The following PDK3 variants were observed in gnomAD, a reference collection of about 807,000 sequenced individuals.
PDK3 encodes the protein pyruvate dehydrogenase kinase 3, also known as pyruvate dehydrogenase kinase, isozyme 3.
A neutral mutation model predicts 32.0 loss-of-function variants in PDK3; 12 were observed. That is an observed-to-expected ratio of 0.37 (90% CI 0.24 to 0.61). The LOEUF is 0.61. Ranked by LOEUF, PDK3 falls within the 20% of genes least tolerant of loss-of-function variation. The pLI is 0.65. For missense variants in PDK3, 188 were observed against 316.9 expected, an observed-to-expected ratio of 0.59 and a Z score of 3.09; for synonymous variants, 122 against 116.3, an observed-to-expected ratio of 1.05 and a Z score of -0.31.
At chrX:24,475,370 A>T (rs1602100912) in intron 1 of PDK3, among the ~76,000 whole-genome samples, 1 of 111,259 alleles carries the variant, frequency 9.0e-6, no homozygotes, top group Non-Finnish European at 1.9e-5. Flanking sequence ...TTAAAGAAAG[A>T]ATTGGTCCAG....
chrX:24,495,473 TC>T (rs1921676381), intron 2 of PDK3, among the ~76,000 whole-genome samples: 1 of 112,762 alleles, frequency 8.9e-6, no homozygotes, highest in South Asian at 3.6e-4. Context: ...ACATTGAGTT[TC>T]CATGCCCCTT....
chrX:24,533,947 T>C lies in PDK3; in HGVS notation c.1096T>C (p.Phe366Leu). 8.3e-7 allele frequency: 1 copy of C among 1,203,346 alleles called. No homozygotes were observed. Among genetic ancestry groups the C allele is most frequent in the Non-Finnish European group, 1.1e-6 (1 of 889,591 alleles). The change falls in exon 11 of 11, where the codon TTT becomes CTT. Residue 366 changes from phenylalanine to leucine, a missense_variant. Coordinates refer to ENST00000379162, the MANE Select transcript of PDK3 (RefSeq NM_005391.5). ...CCAATAGGCTCTTTCAAGTGAGTCA[T>C]TTGAGAGACTTCCAGTTTTTAATAA... Reference protein sequence around the residue: ...IYLKALSSESFERLPVFNKSA... With the variant: ...IYLKALSSESLERLPVFNKSA...
intron 3 of PDK3, among the ~76,000 whole-genome samples, chrX:24,501,575 G>A (rs766405590): frequency 5.2e-4 from 58 of 112,337 alleles, no homozygotes; most frequent in African/African-American, 1.8e-3. Flanking sequence ...TTAGCCAGGC[G>A]TGGTGGTGGG....
chrX:24,546,128 C>T (rs1293936326), exon 12 of PDK3: 1 of 111,922 alleles, frequency 8.9e-6, no homozygotes, highest in African/African-American at 3.2e-5. Context: ...GAGGTCCCCA[C>T]ACTGTGGCTT....
At chrX:24,486,212 A>G (rs904337524) in intron 1 of PDK3, among the ~76,000 whole-genome samples, 2 of 111,182 alleles carry the variant, frequency 1.8e-5, no homozygotes, top group Non-Finnish European at 3.8e-5. Flanking sequence ...ATAAAAGGCC[A>G]TGCGGCTGCT....
chrX:24,529,969 C>T (rs1454154079), intron 9 of PDK3, among the ~76,000 whole-genome samples: 3 of 111,663 alleles, frequency 2.7e-5, no homozygotes, highest in African/African-American at 9.8e-5. Flanking sequence ...GAAACCTTTC[C>T]TGAACCTCAG....
chrX:24,498,993 G>C, intron 3 of PDK3, 93 bp downstream of exon 3: 1 of 487,833 alleles, frequency 2.0e-6, no homozygotes, highest in Non-Finnish European at 3.2e-6. Flanking sequence ...CAAGGAGTAT[G>C]AATGTGGACA....
intron 7 of PDK3, among the ~76,000 whole-genome samples, chrX:24,527,318 G>A (rs987178010): frequency 1.7e-4 from 18 of 107,454 alleles, no homozygotes; most frequent in Non-Finnish European, 3.3e-4. Flanking sequence ...AGAGGAAGAA[G>A]AAGAAGGAAA....
chrX:24,523,577 G>T (rs969999987), intron 6 of PDK3, among the ~76,000 whole-genome samples: 5 of 112,439 alleles, frequency 4.4e-5, no homozygotes, highest in African/African-American at 1.6e-4. Context: ...CTGAAAGCTG[G>T]TCTAAGAAAG....
chrX:24,537,391 C>A (rs1252621832), downstream of PDK3, among the ~76,000 whole-genome samples: 2 of 106,600 alleles, frequency 1.9e-5, no homozygotes, highest in Non-Finnish European at 3.9e-5. Flanking sequence ...CCTTGGCCTC[C>A]CAAAGTGCTG....
intron 1 of PDK3, among the ~76,000 whole-genome samples, chrX:24,490,314 T>G (rs760440166): frequency 9.0e-6 from 1 of 111,366 alleles, no homozygotes; most frequent in Non-Finnish European, 1.9e-5. Flanking sequence ...ACCAAATCTC[T>G]GTGAAGTAGA....
intron 6 of PDK3, among the ~76,000 whole-genome samples, chrX:24,520,778 T>C (rs927835968): frequency 3.7e-4 from 42 of 112,304 alleles, no homozygotes; most frequent in Non-Finnish European, 5.8e-4. Flanking sequence ...TTAGAGATTA[T>C]CCATAGTGTA....
At chrX:24,478,830 A>G (rs1409821385) in intron 1 of PDK3, among the ~76,000 whole-genome samples, 3 of 112,191 alleles carry the variant, frequency 2.7e-5, no homozygotes, top group Non-Finnish European at 3.8e-5. Context: ...GACTTGATCT[A>G]TGATTCTCCT....
At chrX:24,473,377 CAAAA>C (rs990670964) in intron 1 of PDK3, among the ~76,000 whole-genome samples, 1 of 109,170 alleles carries the variant, frequency 9.2e-6, no homozygotes, top group Non-Finnish European at 1.9e-5. Flanking sequence ...TCTCAAAAAA[CAAAA>C]CAAACAAACA....
At chrX:24,510,396 T>C (rs1484034868) in intron 5 of PDK3, among the ~76,000 whole-genome samples, 1 of 112,541 alleles carries the variant, frequency 8.9e-6, no homozygotes, top group Non-Finnish European at 1.9e-5. Flanking sequence ...TTAAGAAGAC[T>C]AATGCCATTT....
chrX:24,529,224 AT>A (rs1254569218), intron 9 of PDK3, among the ~76,000 whole-genome samples: 2 of 111,857 alleles, frequency 1.8e-5, no homozygotes, highest in Admixed American at 9.5e-5. Context: ...AGAAATATAG[AT>A]TGTCTCTTCC....
At chrX:24,498,669 C>G (rs1201020049) in intron 2 of PDK3, among the ~76,000 whole-genome samples, 160 bp from the exon 3 acceptor site, 1 of 111,431 alleles carries the variant, frequency 9.0e-6, no homozygotes, top group East Asian at 2.8e-4. Context: ...TTTGGAGGCA[C>G]TGGCTTCCCT....
chrX:24,504,383 C>T (rs931152139), intron 4 of PDK3, among the ~76,000 whole-genome samples: 5 of 112,384 alleles, frequency 4.4e-5, no homozygotes, highest in Non-Finnish European at 7.5e-5. Flanking sequence ...GATCTAAATA[C>T]ACATGTACAC....
rs1940054980 is a variant in PDK3, at chrX:24,465,556, A to C, written c.101A>C (p.Asp34Ala). Reference protein sequence around the residue: ...PSPLSIKQFLDFGRDNACEKT... With the variant: ...PSPLSIKQFLAFGRDNACEKT... ...CCGCTCTCCATCAAACAATTCCTGG[A>C]CTTCGGTGAGTACGGGGCCAAGGGT... Residue 34 changes from aspartate (D) to alanine (A), a missense_variant, in exon 1 of 11, where the codon GAC becomes GCC. By Grantham distance (126) the Asp-to-Ala change is moderately radical. Transcript: ENST00000379162. The C allele has an allele frequency of 8.4e-7, 1 of 1,193,745 alleles. No homozygotes were observed. The highest frequency in any genetic ancestry group is 1.1e-6 in the Non-Finnish European group (1 of 880,738).
Sources: allele counts gnomAD v4.1 joint callset (sites outside exome capture counted in the v4.1 genomes callset), GRCh38; gene constraint gnomAD v4.1.1; transcripts MANE v1.5; gene names NCBI Gene and HGNC (gene_info 2026-07-23, HGNC 2026-07-21).